The following MS4A2 variants were observed in gnomAD, a reference collection of about 807,000 sequenced individuals.
MS4A2 encodes the protein high affinity immunoglobulin epsilon receptor subunit beta.
Under a neutral mutation model 27.9 loss-of-function variants are expected in MS4A2, and 26 were observed. That is an observed-to-expected ratio of 0.93 (90% CI 0.68 to 1.29). MS4A2 has a LOEUF of 1.29. Ranked by LOEUF, MS4A2 falls within the 50% of genes most tolerant of loss-of-function variation. The probability of loss-of-function intolerance (pLI) is 0.00; values close to 1 mark genes in which losing one functional copy is unlikely to be tolerated. For missense variants in MS4A2, 284 were observed against 284.6 expected, an observed-to-expected ratio of 1.00 and a Z score of 0.01; for synonymous variants, 110 against 98.8, an observed-to-expected ratio of 1.11 and a Z score of -0.67.
chr11:60,090,310 C>A, intron 2 of MS4A2, 26 bp from the exon 3 acceptor site: 1 of 1,609,096 alleles, frequency 6.2e-7, no homozygotes, highest in South Asian at 1.1e-5. Flanking sequence ...TTTTGATTTT[C>A]ATGAAATTCA....
Position 60,090,420 on chromosome 11 carries a change from G to A in MS4A2, c.271G>A (p.Asp91Asn), listed in dbSNP as rs1855737959. 1 of 1,613,388 alleles carries A rather than the reference G, an allele frequency of 6.2e-7. No homozygotes were observed. The highest frequency in any genetic ancestry group is 1.1e-5 in the South Asian group (1 of 91,072). ...ACTTGATATTTCACACATTGAGGGA[G>A]ACATTTTTTCATCATTTAAAGCAGG... ...SVLDISHIEGDIFSSFKAGYP... is the reference protein window; with the variant it reads ...SVLDISHIEGNIFSSFKAGYP... Residue 91 changes from aspartate (D) to asparagine (N), a missense_variant, in exon 3 of 7, where the codon GAC (aspartate) becomes AAC (asparagine). Asp to Asn is a conservative substitution (Grantham distance 23). Coordinates refer to ENST00000278888, the MANE Select transcript of MS4A2 (RefSeq NM_000139.5).
intron 4 of MS4A2, among the ~76,000 whole-genome samples, chr11:60,093,187 C>A (rs968007861): frequency 6.6e-6 from 1 of 152,184 alleles, no homozygotes; most frequent in Non-Finnish European, 1.5e-5. Context: ...TGAGGAAAGA[C>A]CGTACGTGTT....
intron 6 of MS4A2, among the ~76,000 whole-genome samples, chr11:60,094,279 T>TA (rs1392302632): frequency 6.6e-6 from 1 of 152,210 alleles, no homozygotes; most frequent in Non-Finnish European, 1.5e-5. Flanking sequence ...AGGGTTGGGA[T>TA]AATAGGATCT....
rs372007121 is a variant in MS4A2, at chr11:60,089,758, G to A, written c.123G>A (p.Ser41=). The A allele has an allele frequency of 1.3e-5, 21 of 1,613,836 alleles. No individual in the cohort carries two copies. The highest frequency in any genetic ancestry group is 1.7e-5 in the Non-Finnish European group (20 of 1,179,888). Residue 41 remains serine (S), a synonymous_variant, in exon 2 of 7, where the codon TCG becomes TCA. Transcript: ENST00000278888. The part of the protein sequence containing the change: ...QEVSSGRLLK[S]ASSPPLHTWL... ...TATCTTCAGGCAGACTATTGAAGTC[G>A]GCCTCATCCCCACCACTGCATACAT...
chr11:60,092,818 T>C lies in MS4A2; in HGVS notation c.348T>C (p.Ile116=). The C allele has an allele frequency of 6.2e-7, 1 of 1,614,052 alleles. No individual in the cohort carries two copies. The highest frequency in any genetic ancestry group is 8.5e-7 in the Non-Finnish European group (1 of 1,179,966). The change falls in exon 4 of 7, where the codon ATT becomes ATC. Residue 116 remains isoleucine (I), a synonymous_variant. Coordinates refer to ENST00000278888, the MANE Select transcript of MS4A2 (RefSeq NM_000139.5). The stretch of plus-strand genomic sequence containing the variant: ...TTTCTATTTCTGGAATGTTGTCAAT[T>C]ATATCTGAAAGGAGAAATGCAACAT... ...IFFSISGMLS[I]ISERRNATYL...
Position 60,093,849 on chromosome 11 carries a change from TA to T in MS4A2, c.538-111del. ...GTGTGTGTGTGTGTATGTGTCACTT[TA>T]AAAGGACTGGTCAGATGGTAGGGAG... On this transcript the variant is annotated intron_variant, in intron 5 of 6. Coordinates refer to ENST00000278888, the MANE Select transcript of MS4A2 (RefSeq NM_000139.5). 2.5e-5 allele frequency: 20 copies of T among 801,548 alleles called. No individual in the cohort carries two copies. In the South Asian group the frequency reaches 2.9e-4, roughly 12 times the overall value. The allele number at this position is 801,548 out of a possible 1,614,324, so 49.7% of individuals were successfully genotyped here. A position where few individuals can be genotyped will look rare whatever the true frequency, so the allele number is the denominator to read the frequency against.
In MS4A2 at chr11:60,090,401, T is replaced by G. The variant is rs1471114004; in HGVS notation, c.252T>G (p.Asp84Glu). 1 of 1,613,560 alleles carries G rather than the reference T, an allele frequency of 6.2e-7. No individual in the cohort carries two copies. The highest frequency in any genetic ancestry group is 1.1e-5 in the South Asian group (1 of 91,078). Reference sequence around the variant, plus strand: ...GAACAGTTGTCTGCTCTGTACTTGATATTTCACACATTGAGGGAGACATTT... The same window carrying G: ...GAACAGTTGTCTGCTCTGTACTTGAGATTTCACACATTGAGGGAGACATTT... ...CFGTVVCSVL[D>E]ISHIEGDIFS... Residue 84 changes from aspartate (D) to glutamate (E), a missense_variant, in exon 3 of 7, where the codon GAT becomes GAG. By Grantham distance (45) the Asp-to-Glu change is conservative (BLOSUM62 2). Coordinates refer to ENST00000278888, the MANE Select transcript of MS4A2 (RefSeq NM_000139.5).
At chr11:60,088,582 G>C (rs1298621922), upstream of MS4A2, 2 of 1,428,544 alleles carry the variant, frequency 1.4e-6, no homozygotes, top group South Asian at 1.5e-5. Context: ...ACAAGTAAAA[G>C]CCTGTTGATC....
At chr11:60,092,711 T>C in intron 3 of MS4A2, 81 bp from the exon 4 acceptor site, 1 of 1,263,418 alleles carries the variant, frequency 7.9e-7, no homozygotes, top group Non-Finnish European at 1.1e-6. Flanking sequence ...AAATGTTACC[T>C]ATGTTTGGAA....
chr11:60,093,647 C>A, intron 5 of MS4A2, 89 bp downstream of exon 5: 1 of 1,517,470 alleles, frequency 6.6e-7, no homozygotes, highest in South Asian at 1.1e-5. Flanking sequence ...GAACACCATC[C>A]TTTTCTGTAA....
At chr11:60,094,550 A>C (rs1037172085) in intron 6 of MS4A2, among the ~76,000 whole-genome samples, 3 of 152,208 alleles carry the variant, frequency 2.0e-5, no homozygotes, top group African/African-American at 7.2e-5. Context: ...GATAAGAACC[A>C]CCAGCACCTT....
chr11:60,098,028 G>A lies in MS4A2; in HGVS notation c.*2372G>A, dbSNP rs1185014883. 6.6e-6 allele frequency: 1 copy of A among 152,168 alleles called. No homozygotes were observed. The highest frequency in any genetic ancestry group is 1.5e-5 in the Non-Finnish European group (1 of 68,020). The allele number at this position is 152,168 out of a possible 1,614,324, so 9.4% of individuals were successfully genotyped here. On this transcript the variant is annotated 3_prime_UTR_variant, in exon 7 of 7. Transcript: ENST00000278888. ...CCCTGGTTTACCAGGACCTCTAGGA[G>A]TGGATCCAATCTATATCTTTACAGT...
chr11:60,091,161 A>T (rs868422347), intron 3 of MS4A2, among the ~76,000 whole-genome samples: 1 of 152,292 alleles, frequency 6.6e-6, no homozygotes, highest in Middle Eastern at 3.4e-3. Flanking sequence ...CAAAATAATA[A>T]TAATAATAAT....
chr11:60,089,668 C>T, intron 1 of MS4A2, 24 bp from the exon 2 acceptor site: 1 of 1,614,020 alleles, frequency 6.2e-7, no homozygotes, highest in Non-Finnish European at 8.5e-7. Context: ...GTTCTCATGA[C>T]TGAATTGCTT....
rs761902465 is a variant in MS4A2, at chr11:60,090,484, T to C, written c.321+14T>C. ...GGAGCCATATTTGTGAGTATATATCTATAATTGTTTCTGAAATAACACTGA... is the reference window on the plus strand; with the variant it reads ...GGAGCCATATTTGTGAGTATATATCCATAATTGTTTCTGAAATAACACTGA... On this transcript the variant is annotated intron_variant, in intron 3 of 6. Transcript: ENST00000278888. 8.7e-6 allele frequency: 14 copies of C among 1,611,076 alleles called. No homozygotes were observed. The South Asian group carries it at 1.5e-4, about 18-fold the overall frequency.
rs1270776043 is a variant in MS4A2 at position 60,095,579 on chromosome 11, G to A, written c.658G>A (p.Glu220Lys). Residue 220 changes from glutamate (E) to lysine (K), a missense_variant, in exon 7 of 7, where the codon GAA (glutamate) becomes AAA (lysine). Glu to Lys is a moderately conservative substitution (Grantham distance 56, BLOSUM62 1). Coordinates refer to ENST00000278888, the MANE Select transcript of MS4A2 (RefSeq NM_000139.5). ...TCAGGTTCCAGAGGATCGTGTTTATGAAGAATTAAACATATATTCAGCTAC... is the reference window on the plus strand; with the variant it reads ...TCAGGTTCCAGAGGATCGTGTTTATAAAGAATTAAACATATATTCAGCTAC... ...GNKVPEDRVY[E>K]ELNIYSATYS... is the part of the protein sequence containing the mutation. 1 of 1,610,246 alleles carries A rather than the reference G, an allele frequency of 6.2e-7. No homozygotes were observed. Among genetic ancestry groups the A allele is most frequent in the East Asian group, 2.2e-5 (1 of 44,852 alleles).
intron 3 of MS4A2, among the ~76,000 whole-genome samples, chr11:60,090,792 T>C (rs889314211): frequency 6.6e-6 from 1 of 152,186 alleles, no homozygotes; most frequent in Non-Finnish European, 1.5e-5. Context: ...TCCAGGAACA[T>C]ACTTCTAGCA....
Position 60,095,616 on chromosome 11 carries a change from TG to T in MS4A2, c.697del (p.Glu233LysfsTer21). On this transcript the variant is annotated frameshift_variant, in exon 7 of 7. Transcript: ENST00000278888. LOFTEE classifies it high-confidence loss of function. ...LNIYSATYSE[L>X]EDPGEMSPPI... ...ATATATTCAGCTACTTACAGTGAGT[TG>T]GAAGACCCAGGGGAAATGTCTCCTC... 1 of 1,612,760 alleles carries T rather than the reference TG, an allele frequency of 6.2e-7. No homozygotes were observed. The highest frequency in any genetic ancestry group is 1.1e-5 in the South Asian group (1 of 91,054).
chr11:60,091,809 G>A (rs185130728), intron 3 of MS4A2, among the ~76,000 whole-genome samples: 1 of 152,262 alleles, frequency 6.6e-6, no homozygotes, highest in East Asian at 1.9e-4. Flanking sequence ...CTGTACCTCT[G>A]TTATAATTGA....
Sources: allele counts gnomAD v4.1 joint callset (sites outside exome capture counted in the v4.1 genomes callset), GRCh38; gene constraint gnomAD v4.1.1; transcripts MANE v1.5; gene names NCBI Gene and HGNC (gene_info 2026-07-23, HGNC 2026-07-21).